The following ARHGEF28 variants were observed in gnomAD, a reference collection of about 807,000 sequenced individuals.
ARHGEF28 encodes Rho guanine nucleotide exchange factor 28.
A neutral mutation model predicts 206.6 loss-of-function variants in ARHGEF28; 152 were observed. The observed-to-expected ratio is 0.74, with a 90% CI of 0.64 to 0.84. The LOEUF is 0.84. ARHGEF28 is among the 40% of genes least tolerant of loss of function. The pLI is 0.00. For missense variants in ARHGEF28, 2,028 were observed against 2,073.2 expected (o/e 0.98, Z 0.42); for synonymous variants, 763 against 776.4 (o/e 0.98, Z 0.29).
At chr5:73,907,197 G>A (rs1382376561) in intron 33 of ARHGEF28, among the ~76,000 whole-genome samples, 1 of 152,164 alleles carries the variant, frequency 6.6e-6, no homozygotes, top group Non-Finnish European at 1.5e-5. Flanking sequence ...CAGCTGGGAA[G>A]GGATACAGTT....
At chr5:73,676,291 A>C (rs1210617200) in intron 1 of ARHGEF28, among the ~76,000 whole-genome samples, 1 of 150,042 alleles carries the variant, frequency 6.7e-6, no homozygotes, top group Non-Finnish European at 1.5e-5. Flanking sequence ...GTTGGAGTGC[A>C]ATGGTGTGAT....
At chr5:73,754,577 T>A (rs970844240) in intron 4 of ARHGEF28, among the ~76,000 whole-genome samples, 5 of 152,206 alleles carry the variant, frequency 3.3e-5, no homozygotes, top group African/African-American at 1.2e-4. Context: ...CACCATTCAT[T>A]CATTCATTCA....
At chr5:73,809,484 C>T (rs1755715257) in intron 9 of ARHGEF28, among the ~76,000 whole-genome samples, 1 of 152,146 alleles carries the variant, frequency 6.6e-6, no homozygotes, top group South Asian at 2.1e-4. Context: ...TCTGTGTCTC[C>T]CAAACCCATG....
In ARHGEF28 at chr5:73,873,043, A is replaced by G. The variant is rs1760207580; in HGVS notation, c.2611A>G (p.Met871Val). 1.2e-6 allele frequency: 2 copies of G among 1,613,648 alleles called. No individual in the cohort carries two copies. The highest frequency in any genetic ancestry group is 1.3e-5 in the African/African-American group (1 of 74,928). Residue 871 changes from methionine (M) to valine (V), a missense_variant, in exon 22 of 36, where the codon ATG becomes GTG. Met to Val is a conservative substitution (Grantham distance 21). Around this residue, in one of 3 missense-constraint regions of ARHGEF28, gnomAD observed 223 missense variants for 289.9 expected, o/e 0.77. Coordinates refer to ENST00000513042, the MANE Select transcript of ARHGEF28 (RefSeq NM_001177693.2). ...GCATCACATCCAGACCCTGTTCATC[A>G]TGTCTGAGATCTTCAGGAAAGGCAT... ...EMHHIQTLFI[M>V]SEIFRKGMKE...
At chr5:73,830,369 C>A (rs1010153668) in intron 9 of ARHGEF28, among the ~76,000 whole-genome samples, 1 of 151,784 alleles carries the variant, frequency 6.6e-6, no homozygotes. Context: ...CTGGCTAACA[C>A]GGTGAAACCC....
At chr5:73,806,598 T>C (rs1755491984) in intron 9 of ARHGEF28, among the ~76,000 whole-genome samples, 1 of 141,838 alleles carries the variant, frequency 7.1e-6, no homozygotes, top group East Asian at 2.1e-4. Context: ...TATCTATATA[T>C]ACTACACATC....
At chr5:73,727,059 T>C (rs1050306211) in intron 2 of ARHGEF28, among the ~76,000 whole-genome samples, 4 of 152,194 alleles carry the variant, frequency 2.6e-5, no homozygotes, top group African/African-American at 9.6e-5. Context: ...TTAATATTTT[T>C]CCTCTGCAAA....
chr5:73,705,644 A>G (rs59216006), intron 2 of ARHGEF28, among the ~76,000 whole-genome samples: 53,261 of 151,104 alleles, frequency 0.35, 10,844 homozygotes, highest in African/African-American at 0.57. Context: ...GTTTTGATTT[A>G]ATGGGATGGG....
At chr5:73,869,052 A>T (rs1400486821) in intron 20 of ARHGEF28, among the ~76,000 whole-genome samples, 1 of 151,980 alleles carries the variant, frequency 6.6e-6, no homozygotes, top group Admixed American at 6.6e-5. Flanking sequence ...ATGGAAGGAG[A>T]GTAGTGACAA....
intron 9 of ARHGEF28, among the ~76,000 whole-genome samples, chr5:73,806,990 AT>A (rs1320087589): frequency 8.1e-5 from 12 of 149,022 alleles, no homozygotes; most frequent in Non-Finnish European, 4.4e-5. Context: ...TAAACTTTGC[AT>A]TTTAAAATTA....
chr5:73,703,578 G>C (rs1351201931), intron 2 of ARHGEF28, among the ~76,000 whole-genome samples: 3 of 151,906 alleles, frequency 2.0e-5, no homozygotes, highest in African/African-American at 7.3e-5. Context: ...GACTTTGCCT[G>C]CTTTCCTCTC....
intron 4 of ARHGEF28, among the ~76,000 whole-genome samples, chr5:73,766,176 AAAAAC>A (rs1035742550): frequency 6.6e-6 from 1 of 151,800 alleles, no homozygotes; most frequent in African/African-American, 2.4e-5. Context: ...ACAAAAAACA[AAAAAC>A]AAAACAAAAC....
chr5:73,884,000 C>T lies in ARHGEF28; in HGVS notation c.3055+116C>T, dbSNP rs138948916. 1,235 of 499,636 alleles carry T rather than the reference C, an allele frequency of 2.5e-3. 16 individuals are homozygous for T. The highest frequency in any genetic ancestry group is 0.023 in the African/African-American group (1,132 of 50,216). 31.0% of individuals were successfully genotyped at this position (499,636 alleles called of 1,614,324 possible). On this transcript the variant is annotated intron_variant, in intron 24 of 35. Transcript: ENST00000513042. Reference sequence around the variant, plus strand: ...CTCTGATTCATAAAGAGTTTCACGACGGAGAAACTGTTAAAGCCTTAGAAT... The same window carrying T: ...CTCTGATTCATAAAGAGTTTCACGATGGAGAAACTGTTAAAGCCTTAGAAT...
intron 33 of ARHGEF28, chr5:73,905,153 A>G (rs1762478100): frequency 6.6e-6 from 1 of 152,334 alleles, no homozygotes; most frequent in Non-Finnish European, 1.5e-5. Flanking sequence ...CAGTGGCAGC[A>G]TTAGATTCTT....
At chr5:73,686,520 C>CTT (rs753978925) in intron 2 of ARHGEF28, among the ~76,000 whole-genome samples, 2 of 140,608 alleles carry the variant, frequency 1.4e-5, no homozygotes, top group Non-Finnish European at 1.6e-5. Context: ...TTTTTCTTTT[C>CTT]TTTTTTTTTT....
At chr5:73,733,057 G>A (rs192806869) in intron 2 of ARHGEF28, among the ~76,000 whole-genome samples, 16 of 152,170 alleles carry the variant, frequency 1.1e-4, no homozygotes, top group Admixed American at 9.2e-4. Context: ...AAGTTCTTTA[G>A]TGGTGATTTC....
chr5:73,850,375 T>C (rs1758628774), intron 13 of ARHGEF28, among the ~76,000 whole-genome samples: 1 of 152,018 alleles, frequency 6.6e-6, no homozygotes, highest in Admixed American at 6.6e-5. Context: ...AGGATACAAC[T>C]ACCTTGAGAG....
At chr5:73,807,778 G>A (rs976812942) in intron 9 of ARHGEF28, among the ~76,000 whole-genome samples, 5 of 151,988 alleles carry the variant, frequency 3.3e-5, no homozygotes, top group African/African-American at 1.2e-4. Flanking sequence ...GAGCCACCAC[G>A]TCTGGCTCAA....
At chr5:73,640,721 G>C (rs1165382995) in intron 1 of ARHGEF28, among the ~76,000 whole-genome samples, 2 of 152,080 alleles carry the variant, frequency 1.3e-5, no homozygotes, top group African/African-American at 4.8e-5. Flanking sequence ...AATAATACCA[G>C]CCCTTTAGAT....
Sources: allele counts gnomAD v4.1 joint callset (sites outside exome capture counted in the v4.1 genomes callset), GRCh38; gene constraint gnomAD v4.1.1; regional missense constraint gnomAD v4.1.1; transcripts MANE v1.5; gene names NCBI Gene and HGNC (gene_info 2026-07-23, HGNC 2026-07-21).